The following TOP1MT variants were observed in gnomAD, a reference collection of about 807,000 sequenced individuals.
TOP1MT encodes the protein DNA topoisomerase I, mitochondrial.
TOP1MT carries 80 observed loss-of-function variants against 73.9 expected under a neutral mutation model. The observed-to-expected ratio is 1.08, with a 90% CI of 0.90 to 1.30. The LOEUF (loss-of-function observed/expected upper bound fraction) is 1.30. TOP1MT is among the 50% of genes most tolerant of loss of function. The probability of loss-of-function intolerance (pLI) is 0.00; values close to 1 mark genes in which losing one functional copy is unlikely to be tolerated. For synonymous variants in TOP1MT, 338 were observed against 326.4 expected (o/e 1.04, Z -0.38); for missense variants, 815 against 808.0 (o/e 1.01, Z -0.10).
At chr8:143,322,114 A>T (rs1448050453) in intron 7 of TOP1MT, among the ~76,000 whole-genome samples, 1 of 108,318 alleles carries the variant, frequency 9.2e-6, no homozygotes, top group African/African-American at 3.5e-5. Flanking sequence ...CCACACATGC[A>T]CGCCACACAC....
intron 2 of TOP1MT, among the ~76,000 whole-genome samples, chr8:143,342,570 C>T (rs182989093): frequency 0.013 from 1,491 of 112,284 alleles, 1 homozygote; most frequent in Non-Finnish European, 0.02. Context: ...GACAGAGTCT[C>T]GCTCTGTTAT....
chr8:143,332,064 G>T (rs1018449741), intron 1 of TOP1MT, among the ~76,000 whole-genome samples: 1 of 151,898 alleles, frequency 6.6e-6, no homozygotes, highest in South Asian at 2.1e-4. Context: ...GATTGGGGGG[G>T]TGTTGGAGGG....
At chr8:143,319,276 G>A (rs1248429705) in intron 8 of TOP1MT, among the ~76,000 whole-genome samples, 5 of 147,992 alleles carry the variant, frequency 3.4e-5, no homozygotes, top group East Asian at 2.1e-4. Context: ...CCACGGTTGG[G>A]TCACATTAAT....
chr8:143,317,846 GA>G lies in TOP1MT; in HGVS notation c.1216-10del, dbSNP rs769523664. The G allele has an allele frequency of 1.6e-5, 26 of 1,613,596 alleles. No homozygotes were observed. The highest frequency in any genetic ancestry group is 1.0e-5 in the Non-Finnish European group (12 of 1,179,680). ...TTGTTCAGGCTGGTCGTCTGGGGAGGAAAATGGTCTCTATAATTACGTGGTT... is the reference window on the plus strand; with the variant it reads ...TTGTTCAGGCTGGTCGTCTGGGGAGGAAATGGTCTCTATAATTACGTGGTT... On this transcript the variant is annotated splice_polypyrimidine_tract_variant and intron_variant, in intron 9 of 13. Coordinates refer to ENST00000329245, the MANE Select transcript of TOP1MT (RefSeq NM_052963.3).
intron 7 of TOP1MT, among the ~76,000 whole-genome samples, chr8:143,323,427 G>A (rs1405334208): frequency 1.7e-5 from 1 of 57,298 alleles, no homozygotes; most frequent in Non-Finnish European, 3.2e-5. Flanking sequence ...ACACACACAG[G>A]CACGCCACAC....
At chr8:143,345,868 G>A (rs1234918212), upstream of TOP1MT, among the ~76,000 whole-genome samples, 2 of 152,212 alleles carry the variant, frequency 1.3e-5, no homozygotes, top group Non-Finnish European at 2.9e-5. Flanking sequence ...CACTGTTAAT[G>A]GGGTAGACTG....
At chr8:143,311,615 G>A (rs966928451) in intron 12 of TOP1MT, among the ~76,000 whole-genome samples, 4 of 152,020 alleles carry the variant, frequency 2.6e-5, no homozygotes, top group South Asian at 2.1e-4. Flanking sequence ...GCATGGTGCC[G>A]TGCACCTGTA....
chr8:143,311,279 A>G (rs1816008813), intron 12 of TOP1MT, among the ~76,000 whole-genome samples: 1 of 151,922 alleles, frequency 6.6e-6, no homozygotes, highest in African/African-American at 2.4e-5. Flanking sequence ...AGGAAATGCT[A>G]AAGAAATTTT....
intron 8 of TOP1MT, among the ~76,000 whole-genome samples, chr8:143,320,525 C>T (rs767702817): frequency 1.5e-4 from 23 of 152,220 alleles, no homozygotes; most frequent in Non-Finnish European, 3.1e-4. Flanking sequence ...CCTCAGCCTC[C>T]CGAAGCACTG....
rs550065385 is a variant in TOP1MT at position 143,322,138 on chromosome 8, AC to A, written c.961-753del. ...CACGCCACACACACAGGCACGCCAC[AC>A]AGGCACGCCACACGCACGCCACACA... On this transcript the variant is annotated intron_variant, in intron 7 of 13. Coordinates refer to ENST00000329245, the MANE Select transcript of TOP1MT (RefSeq NM_052963.3). 3.4e-4 allele frequency among the ~76,000 whole-genome samples: 38 copies of A among 112,902 alleles called. 1 individual carries two copies. The highest frequency in any genetic ancestry group is 1.2e-3 in the African/African-American group (36 of 30,564). 74.1% of individuals were successfully genotyped at this position (112,902 alleles called of 152,430 possible). A position where few individuals can be genotyped will look rare whatever the true frequency, so the allele number is the denominator to read the frequency against.
chr8:143,347,232 G>A (rs1364536730), upstream of TOP1MT, among the ~76,000 whole-genome samples: 1 of 152,106 alleles, frequency 6.6e-6, no homozygotes, highest in Non-Finnish European at 1.5e-5. Context: ...TCTGCTCACT[G>A]CAAGTTCTGC....
intron 2 of TOP1MT, among the ~76,000 whole-genome samples, chr8:143,340,791 A>C (rs931095917): frequency 4.6e-5 from 7 of 152,144 alleles, no homozygotes; most frequent in African/African-American, 9.7e-5. Context: ...CTGGAAACCA[A>C]GGCCTCCTGT....
In TOP1MT at chr8:143,324,536, G is replaced by A. The variant is rs1041271555; in HGVS notation, c.765C>T (p.Ser255=). The change falls in exon 6 of 14, where the codon AGC becomes AGT. Residue 255 remains serine (S), a synonymous_variant. Transcript: ENST00000329245. ...TVTWLAAWTE[S]VQNSIKYIML... Reference sequence around the variant, plus strand: ...TGATGTACTTGATGGAGTTCTGAACGCTCTCGGTCCAAGCTGCCAGCCACG... The same window carrying A: ...TGATGTACTTGATGGAGTTCTGAACACTCTCGGTCCAAGCTGCCAGCCACG... 1.1e-5 allele frequency: 18 copies of A among 1,613,896 alleles called. 1 individual carries two copies. In the African/African-American group the frequency reaches 1.7e-4, roughly 16 times the overall value.
At chr8:143,358,721 C>CAT (rs1161940157), upstream of TOP1MT, 4 of 152,250 alleles carry the variant, frequency 2.6e-5, no homozygotes, top group Non-Finnish European at 5.9e-5. Context: ...CAGGACCGTT[C>CAT]CACAGAGGTG....
chr8:143,325,284 A>T, intron 5 of TOP1MT, 62 bp downstream of exon 5: 1 of 1,460,404 alleles, frequency 6.8e-7, no homozygotes, highest in South Asian at 1.2e-5. Context: ...AGGTGAAGAA[A>T]AGCCAGCCTC....
intron 7 of TOP1MT, among the ~76,000 whole-genome samples, chr8:143,323,019 T>TGC (rs1292383991): frequency 3.4e-5 from 1 of 29,222 alleles, no homozygotes; most frequent in Non-Finnish European, 6.6e-5. Flanking sequence ...GCCACACACA[T>TGC]GCACACACAC....
intron 12 of TOP1MT, among the ~76,000 whole-genome samples, chr8:143,314,813 T>A (rs1343624052): frequency 6.6e-6 from 1 of 152,130 alleles, no homozygotes. Context: ...ATATCATTAA[T>A]CATTAGTTGG....
chr8:143,320,117 C>A (rs1444799737), intron 8 of TOP1MT, among the ~76,000 whole-genome samples: 1 of 151,880 alleles, frequency 6.6e-6, no homozygotes, highest in African/African-American at 2.4e-5. Flanking sequence ...GTGCGAGACA[C>A]CGTCTTGAAA....
intron 2 of TOP1MT, among the ~76,000 whole-genome samples, 197 bp downstream of exon 2, chr8:143,331,027 G>A (rs1168185005): frequency 6.6e-6 from 1 of 152,144 alleles, no homozygotes; most frequent in Non-Finnish European, 1.5e-5. Context: ...GCAGGGACGG[G>A]AGCCCCCGAA....
Sources: gnomAD v4.1 joint callset for allele counts (sites outside exome capture counted in the v4.1 genomes callset) on GRCh38, gnomAD v4.1.1 for gene constraint, MANE v1.5 for transcripts, NCBI Gene and HGNC (gene_info 2026-07-23, HGNC 2026-07-21) for gene names.